Variants in PLA2G4C observed in about 807,000 individuals in gnomAD.
PLA2G4C encodes cytosolic phospholipase A2 gamma.
PLA2G4C carries 64 observed loss-of-function variants against 73.8 expected under a neutral mutation model. That is an observed-to-expected ratio of 0.87 (90% CI 0.71 to 1.07). PLA2G4C has a LOEUF of 1.07. Ranked by LOEUF, PLA2G4C falls within the 50% of genes least tolerant of loss-of-function variation. The pLI, the probability that PLA2G4C is intolerant of heterozygous loss-of-function variation, is 0.00. For missense variants in PLA2G4C, 622 were observed against 665.4 expected, an observed-to-expected ratio of 0.93 and a Z score of 0.72; for synonymous variants, 254 against 252.1, an observed-to-expected ratio of 1.01 and a Z score of -0.07.
intron 7 of PLA2G4C, among the ~76,000 whole-genome samples, chr19:48,095,081 T>C (rs1400289750): frequency 6.6e-6 from 1 of 152,100 alleles, no homozygotes; most frequent in Non-Finnish European, 1.5e-5. Flanking sequence ...AGAGACACAG[T>C]GTTGCTATGT....
At chr19:48,090,340 C>A (rs1381912986) in intron 8 of PLA2G4C, 24 bp downstream of exon 8, 1 of 1,547,360 alleles carries the variant, frequency 6.5e-7, no homozygotes, top group Non-Finnish European at 8.9e-7. Context: ...TAGGGTTTGA[C>A]CTTTCTGTTC....
In PLA2G4C at chr19:48,075,153, C is replaced by CATTTATTT. The variant is rs71181640; in HGVS notation, c.899-287_899-280dup. On this transcript the variant is annotated intron_variant, in intron 11 of 16. Coordinates refer to ENST00000599921, the MANE Select transcript of PLA2G4C (RefSeq NM_003706.3). ...CTTCAGGGTTGGAGGCAAAGTCTCC[C>CATTTATTT]ATTTATTTATTTATTTATTTATTTA... 6.7e-3 allele frequency among the ~76,000 whole-genome samples: 942 copies of CATTTATTT among 140,022 alleles called. 7 individuals are homozygous for CATTTATTT. Among genetic ancestry groups the CATTTATTT allele is most frequent in the East Asian group, 0.023 (109 of 4,762 alleles). The allele number at this position is 140,022 out of a possible 152,430, so 91.9% of individuals were successfully genotyped here.
At chr19:48,063,391 G>A (rs1214063853) in intron 13 of PLA2G4C, among the ~76,000 whole-genome samples, 4 of 152,118 alleles carry the variant, frequency 2.6e-5, no homozygotes, top group East Asian at 1.9e-4. Context: ...AATCAGATAC[G>A]CATTTATCTC....
At chr19:48,069,990 GA>G (rs1968595548) in intron 12 of PLA2G4C, among the ~76,000 whole-genome samples, 1 of 151,848 alleles carries the variant, frequency 6.6e-6, no homozygotes, top group African/African-American at 2.4e-5. Context: ...GGCTGGTCTC[GA>G]ACTCCTGACC....
intron 14 of PLA2G4C, among the ~76,000 whole-genome samples, chr19:48,059,521 T>A (rs1258852648): frequency 1.3e-5 from 2 of 152,064 alleles, no homozygotes; most frequent in African/African-American, 4.8e-5. Context: ...TCACCCACAG[T>A]GTGGGCGGAC....
In PLA2G4C at chr19:48,060,570, G is replaced by T. The variant is rs577491916; in HGVS notation, c.1257+1428C>A. On this transcript the variant is annotated intron_variant, in intron 14 of 16. Coordinates refer to ENST00000599921, the MANE Select transcript of PLA2G4C (RefSeq NM_003706.3). ...TCTGCAGATCTCCTGCGAGCCAGAT[G>T]ATGTGATTCCCATTTTCAGGATGAG... is the stretch of plus-strand genomic sequence containing the variant. 6.4e-4 allele frequency among the ~76,000 whole-genome samples: 97 copies of T among 152,336 alleles called. 1 individual carries two copies. Among genetic ancestry groups the T allele is most frequent in the African/African-American group, 2.3e-3 (96 of 41,580 alleles).
chr19:48,092,048 G>C (rs529559084), intron 7 of PLA2G4C, among the ~76,000 whole-genome samples: 3 of 148,108 alleles, frequency 2.0e-5, no homozygotes, highest in African/African-American at 7.5e-5. Flanking sequence ...AAAATGGTAT[G>C]GTCGTTCCTC....
rs1291537495 is a variant in PLA2G4C, at chr19:48,088,729, G to A, written c.764-17C>T. ...TTAACTGGTCTGCAAAAGAGTAGAA[G>A]CAGGAGGAATGTTTATCTGTACAAC... On this transcript the variant is annotated splice_polypyrimidine_tract_variant and intron_variant, in intron 8 of 16. Transcript: ENST00000599921. The A allele has an allele frequency of 6.3e-7, 1 of 1,587,162 alleles. No individual in the cohort carries two copies.
intron 11 of PLA2G4C, among the ~76,000 whole-genome samples, chr19:48,075,532 A>ACT (rs563094479): frequency 1.4e-4 from 21 of 151,168 alleles, no homozygotes; most frequent in African/African-American, 5.1e-4. Context: ...ATGATGTTCA[A>ACT]CTCTCTCTCT....
intron 14 of PLA2G4C, chr19:48,061,750 G>A: frequency 2.1e-6 from 1 of 483,234 alleles, no homozygotes; most frequent in South Asian, 2.1e-5. Context: ...CGCAGAAGCG[G>A]GGAGAGTCAT....
At chr19:48,059,444 G>A (rs996408751) in intron 14 of PLA2G4C, among the ~76,000 whole-genome samples, 6 of 152,086 alleles carry the variant, frequency 3.9e-5, no homozygotes, top group Admixed American at 1.3e-4. Context: ...TATTGTTTCC[G>A]GATGTGTCTC....
intron 15 of PLA2G4C, 45 bp from the exon 16 acceptor site, chr19:48,053,192 G>T (rs369057854): frequency 6.9e-7 from 1 of 1,459,418 alleles, no homozygotes; most frequent in Non-Finnish European, 9.4e-7. Flanking sequence ...CATGAGTTTG[G>T]ACAATTAATT....
At position 48,062,096 on chromosome 19, in the gene PLA2G4C, C is replaced by A. The variant is rs1233694818; in HGVS notation, c.1159G>T (p.Gly387Cys). 1.2e-6 allele frequency: 2 copies of A among 1,611,264 alleles called. No homozygotes were observed. Among genetic ancestry groups the A allele is most frequent in the Non-Finnish European group, 1.7e-6 (2 of 1,178,558 alleles). The change falls in exon 14 of 17, where the codon GGT (glycine) becomes TGT (cysteine). Residue 387 changes from glycine (G) to cysteine (C), a missense_variant. Transcript: ENST00000599921. ...SRKHLHLVDA[G>C]LAINTPFPLV... ...GGGAAGGGAGTGTTGATGGCTAAAC[C>A]AGCATCCACCAGGTGGAGGTGCTTC... is the stretch of plus-strand genomic sequence containing the variant.
intron 13 of PLA2G4C, among the ~76,000 whole-genome samples, chr19:48,063,376 G>C (rs74998347): frequency 0.011 from 1,653 of 152,186 alleles, 31 homozygotes; most frequent in African/African-American, 0.038. Context: ...TTTCCAACTG[G>C]AGGCAATCAG....
intron 9 of PLA2G4C, among the ~76,000 whole-genome samples, chr19:48,086,540 GT>G (rs1274922181): frequency 1.3e-5 from 2 of 152,164 alleles, no homozygotes; most frequent in African/African-American, 4.8e-5. Flanking sequence ...ACCCGCCCTG[GT>G]GGCTTTAATA....
At chr19:48,093,589 G>T (rs991677946) in intron 7 of PLA2G4C, among the ~76,000 whole-genome samples, 12 of 152,144 alleles carry the variant, frequency 7.9e-5, no homozygotes, top group Non-Finnish European at 1.8e-4. Context: ...GTGTCCTTCA[G>T]GGTCCCATAT....
rs760707526 is a variant in PLA2G4C, at chr19:48,077,776, G to C, written c.893C>G (p.Pro298Arg). Residue 298 changes from proline (P) to arginine (R), a missense_variant, in exon 11 of 17, where the codon CCA (proline) becomes CGA (arginine). Coordinates refer to ENST00000599921, the MANE Select transcript of PLA2G4C (RefSeq NM_003706.3). ...QESSQGEHPPPEDEGGEPEHT... is the reference protein window; with the variant it reads ...QESSQGEHPPREDEGGEPEHT... ...TGGCAAAGTAGGATGCTTACCTTCT[G>C]GGGGAGGATGTTCCCCTTGTGAACT... 4.5e-6 allele frequency: 7 copies of C among 1,546,030 alleles called. No individual in the cohort carries two copies. In the Admixed American group the frequency reaches 1.0e-4, roughly 23 times the overall value.
At chr19:48,098,496 AT>A (rs1568450452) in intron 5 of PLA2G4C, among the ~76,000 whole-genome samples, 1 of 151,204 alleles carries the variant, frequency 6.6e-6, no homozygotes, top group South Asian at 2.1e-4. Flanking sequence ...CGGCTAATTT[AT>A]TTTTTGATAG....
intron 10 of PLA2G4C, 130 bp from the exon 11 acceptor site, chr19:48,077,954 C>G (rs2030280865): frequency 1.5e-6 from 1 of 648,056 alleles, no homozygotes; most frequent in Non-Finnish European, 2.5e-6. Context: ...GATACGGGTT[C>G]TGGAGAGCTA....
Sources: gnomAD v4.1 joint callset for allele counts (sites outside exome capture counted in the v4.1 genomes callset) on GRCh38, gnomAD v4.1.1 for gene constraint, MANE v1.5 for transcripts, NCBI Gene and HGNC (gene_info 2026-07-23, HGNC 2026-07-21) for gene names.